RCAN1: variants seen among roughly 807,000 people sequenced by gnomAD.
The protein encoded by RCAN1 is regulator of calcineurin 1.
A neutral mutation model predicts 22.9 loss-of-function variants in RCAN1; 11 were observed. The observed-to-expected ratio is 0.48, with a 90% CI of 0.30 to 0.79. The LOEUF is 0.79. Among genes scored for constraint, RCAN1 ranks in the 30% least tolerant of loss-of-function variants. The probability of loss-of-function intolerance (pLI) is 0.06; values close to 1 mark genes in which losing one functional copy is unlikely to be tolerated. For synonymous variants in RCAN1, 136 were observed against 142.3 expected, an observed-to-expected ratio of 0.96 and a Z score of 0.32; for missense variants, 291 against 337.8, an observed-to-expected ratio of 0.86 and a Z score of 1.09.
chr21:34,530,631 T>TG (rs766611950), intron 1 of RCAN1, among the ~76,000 whole-genome samples: 1 of 141,064 alleles, frequency 7.1e-6, no homozygotes, highest in Non-Finnish European at 1.5e-5. Flanking sequence ...TTTTTTTTTT[T>TG]TTTTTTTTTT....
At chr21:34,557,149 G>A (rs1366071096) in intron 1 of RCAN1, among the ~76,000 whole-genome samples, 1 of 152,168 alleles carries the variant, frequency 6.6e-6, no homozygotes. Context: ...GGAGGCGGAG[G>A]TTGCAGTGAG....
intron 1 of RCAN1, among the ~76,000 whole-genome samples, chr21:34,528,375 G>A (rs919362984): frequency 6.6e-6 from 1 of 152,186 alleles, no homozygotes; most frequent in African/African-American, 2.4e-5. Context: ...AACCAGTTAT[G>A]GTGTTTGCTT....
intron 1 of RCAN1, among the ~76,000 whole-genome samples, chr21:34,566,736 C>A (rs527603489): frequency 6.6e-6 from 1 of 152,134 alleles, no homozygotes; most frequent in Non-Finnish European, 1.5e-5. Flanking sequence ...TGTACAAGCA[C>A]GCACCAGCTC....
Position 34,614,955 on chromosome 21 carries a change from C to T in RCAN1, c.57G>A (p.Ala19=). The change falls in exon 1 of 4, where the codon GCG becomes GCA. Residue 19 remains alanine (A), a synonymous_variant. Transcript: ENST00000313806. The surrounding 1 kb of genome is among the most constrained non-coding windows in gnomAD (Gnocchi z 6.0). ...QLGAAAEAAE[A]AEARARPGVT... ...CCCCGGGCCGCGCTCGCGCCTCGGC[C>T]GCCTCCGCCGCCTCCGCCGCGGCCC... The T allele has an allele frequency of 9.0e-7, 1 of 1,113,254 alleles. No homozygotes were observed. The highest frequency in any genetic ancestry group is 1.1e-6 in the Non-Finnish European group (1 of 907,592). The allele number at this position is 1,113,254 out of a possible 1,614,324, so 69.0% of individuals were successfully genotyped here.
At chr21:34,608,283 T>G (rs1433266415) in intron 1 of RCAN1, among the ~76,000 whole-genome samples, 2 of 152,214 alleles carry the variant, frequency 1.3e-5, no homozygotes, top group African/African-American at 4.8e-5. Flanking sequence ...ACCACTGGCC[T>G]ATAGGATGGC....
intron 1 of RCAN1, among the ~76,000 whole-genome samples, chr21:34,555,791 C>T (rs934226346): frequency 4.0e-5 from 6 of 151,008 alleles, no homozygotes; most frequent in South Asian, 2.1e-4. Context: ...GGCCGGGCAC[C>T]GTGGCTCAAA....
At chr21:34,611,853 T>C (rs1410137071) in intron 1 of RCAN1, among the ~76,000 whole-genome samples, 1 of 152,200 alleles carries the variant, frequency 6.6e-6, no homozygotes, top group Non-Finnish European at 1.5e-5. Flanking sequence ...CTGCAAGGCT[T>C]ACCAAGGACC....
chr21:34,594,730 AG>A (rs1422254156), intron 1 of RCAN1, among the ~76,000 whole-genome samples: 5 of 152,208 alleles, frequency 3.3e-5, no homozygotes, highest in Non-Finnish European at 7.3e-5. Flanking sequence ...AGCAGAGATC[AG>A]TGTTAGGAGT....
chr21:34,530,771 C>A (rs979550077), intron 1 of RCAN1, among the ~76,000 whole-genome samples: 3 of 151,728 alleles, frequency 2.0e-5, no homozygotes, highest in Non-Finnish European at 2.9e-5. Context: ...ATTACAGGCG[C>A]CTGCCACCAC....
chr21:34,556,433 AAT>A (rs1203931333), intron 1 of RCAN1, among the ~76,000 whole-genome samples: 42 of 61,162 alleles, frequency 6.9e-4, no homozygotes, highest in Non-Finnish European at 1.0e-4. Context: ...CTCAAAAAAT[AAT>A]AATAATAATA....
chr21:34,597,227 G>A (rs567980921), intron 1 of RCAN1, among the ~76,000 whole-genome samples: 23 of 152,178 alleles, frequency 1.5e-4, no homozygotes, highest in African/African-American at 4.1e-4. Flanking sequence ...AACACTCCTC[G>A]GTAGTACTAG....
chr21:34,597,475 G>A (rs1004384340), intron 1 of RCAN1, among the ~76,000 whole-genome samples: 1 of 152,122 alleles, frequency 6.6e-6, no homozygotes, highest in African/African-American at 2.4e-5. Context: ...AGAACGTTCG[G>A]GAAGCTGCTT....
intron 1 of RCAN1, among the ~76,000 whole-genome samples, chr21:34,531,071 G>T (rs780702074): frequency 3.9e-5 from 6 of 152,280 alleles, no homozygotes; most frequent in Non-Finnish European, 5.9e-5. Flanking sequence ...TAAGGAGAAG[G>T]TTCTTATTCT....
At chr21:34,559,618 T>G (rs1290843203) in intron 1 of RCAN1, 2 of 120,758 alleles carry the variant, frequency 1.7e-5, no homozygotes, top group Non-Finnish European at 3.8e-5. Flanking sequence ...GCTCACATTT[T>G]CCAGTTTATT....
intron 1 of RCAN1, among the ~76,000 whole-genome samples, chr21:34,568,390 G>GC (rs1987111091): frequency 6.6e-6 from 1 of 151,950 alleles, no homozygotes; most frequent in Non-Finnish European, 1.5e-5. Flanking sequence ...GACCTCAAAT[G>GC]TTTTTTTAAC....
chr21:34,542,828 G>A (rs2123627733), intron 1 of RCAN1, among the ~76,000 whole-genome samples: 1 of 152,240 alleles, frequency 6.6e-6, no homozygotes, highest in Admixed American at 6.5e-5. Context: ...GTGGGTGTGG[G>A]GCTTCTTGCC....
intron 1 of RCAN1, among the ~76,000 whole-genome samples, chr21:34,612,809 G>A (rs971508841): frequency 3.3e-5 from 5 of 152,214 alleles, no homozygotes; most frequent in African/African-American, 1.2e-4. Context: ...CATGGCTGCA[G>A]GCCTGGACAT....
intron 1 of RCAN1, among the ~76,000 whole-genome samples, chr21:34,561,189 T>A (rs986857429): frequency 6.6e-6 from 1 of 152,154 alleles, no homozygotes; most frequent in African/African-American, 2.4e-5. Context: ...AGACTGTGAG[T>A]CAATTAAACC....
chr21:34,607,396 C>CT lies in RCAN1; in HGVS notation c.252+7363dup, dbSNP rs577088520. Among the ~76,000 whole-genome samples the CT allele has an allele frequency of 5.2e-3, 758 of 146,478 alleles. 3 individuals are homozygous for CT. Among genetic ancestry groups the CT allele is most frequent in the Middle Eastern group, 0.019 (5 of 270 alleles). On this transcript the variant is annotated intron_variant, in intron 1 of 3. Coordinates refer to ENST00000313806, the MANE Select transcript of RCAN1 (RefSeq NM_004414.7). ...TCAGGGATCCGTTTGGATTTGCTCC[C>CT]TTTTTTTTTTTGAGACAGAGTCTTG...
Sources: allele counts gnomAD v4.1 joint callset (sites outside exome capture counted in the v4.1 genomes callset), GRCh38; gene constraint gnomAD v4.1.1; non-coding constraint Gnocchi (gnomAD v3.1); transcripts MANE v1.5; gene names NCBI Gene and HGNC (gene_info 2026-07-23, HGNC 2026-07-21).